The following GCN1 variants were observed in gnomAD, a reference collection of about 807,000 sequenced individuals.
GCN1 encodes the protein stalled ribosome sensor GCN1.
In GCN1, 90 loss-of-function variants were observed where a neutral mutation model predicts 288.4. That is an observed-to-expected ratio of 0.31 (90% CI 0.26 to 0.37). GCN1 has a LOEUF of 0.37. GCN1 is among the 10% of genes least tolerant of loss of function. The pLI is 1.00. For synonymous variants in GCN1, 1,386 were observed against 1,420.2 expected (o/e 0.98, Z 0.54); for missense variants, 2,586 against 3,419.9 (o/e 0.76, Z 6.08).
chr12:120,184,943 G>T, intron 2 of GCN1, 56 bp from the exon 3 acceptor site: 1 of 1,171,426 alleles, frequency 8.5e-7, no homozygotes, highest in Non-Finnish European at 1.3e-6. Context: ...GTAAGCCGCT[G>T]GAGTCAGGTA....
At position 120,147,639 on chromosome 12, in the gene GCN1, A is replaced by G. The variant is rs569701281; in HGVS notation, c.4727-367T>C. Among the ~76,000 whole-genome samples the G allele has an allele frequency of 2.6e-5, 4 of 152,326 alleles. No individual in the cohort carries two copies. In the South Asian group the frequency reaches 8.3e-4, roughly 32 times the overall value. ...ATAATGTATTTGTTAACTTTTCCCT[A>G]TAGCTTTATAAATTTTGTTTTATGT... On this transcript the variant is annotated intron_variant, in intron 37 of 57. Transcript: ENST00000300648.
At chr12:120,189,893 C>T (rs995574329) in intron 2 of GCN1, among the ~76,000 whole-genome samples, 17 of 152,164 alleles carry the variant, frequency 1.1e-4, no homozygotes, top group Middle Eastern at 3.4e-3. Context: ...GCATGAGAAT[C>T]GCCTGAACCC....
At position 120,138,757 on chromosome 12, in the gene GCN1, G is replaced by C. The variant is rs1877092611; in HGVS notation, c.6094C>G (p.Leu2032Val). The C allele has an allele frequency of 1.2e-6, 2 of 1,614,124 alleles. No homozygotes were observed. The highest frequency in any genetic ancestry group is 2.7e-5 in the African/African-American group (2 of 74,956). Residue 2032 changes from leucine to valine, a missense_variant, in exon 46 of 58, where the codon CTG (leucine) becomes GTG (valine). By Grantham distance (32) the Leu-to-Val change is conservative. This residue lies in a region of GCN1 where 437 missense variants were observed against 570.5 expected (regional missense o/e 0.77). Transcript: ENST00000300648. ...GCCTGGTGGCCGATGGTGGAATGCA[G>C]CTGCTCGAAAGTCTTGGCTGCCGCC... ...REAAAKTFEQLHSTIGHQALE... is the reference protein window; with the variant it reads ...REAAAKTFEQVHSTIGHQALE...
In GCN1 at chr12:120,145,336, A is replaced by G. The variant is rs376901358; in HGVS notation, c.4948-6T>C. The G allele has an allele frequency of 1.9e-6, 3 of 1,573,910 alleles. No individual in the cohort carries two copies. The highest frequency in any genetic ancestry group is 1.4e-5 in the African/African-American group (1 of 73,336). Reference sequence around the variant, plus strand: ...GGCAGGTACGGAGCCAAGTCCTGCAACAACACAGGAGGCGGCTCAGGTGAG... The same window carrying G: ...GGCAGGTACGGAGCCAAGTCCTGCAGCAACACAGGAGGCGGCTCAGGTGAG... On this transcript the variant is annotated splice_region_variant and splice_polypyrimidine_tract_variant and intron_variant, in intron 38 of 57. Transcript: ENST00000300648.
At chr12:120,151,045 G>T in intron 34 of GCN1, 100 bp downstream of exon 34, 1 of 1,325,756 alleles carries the variant, frequency 7.5e-7, no homozygotes, top group Non-Finnish European at 1.1e-6. Flanking sequence ...ACACGCACAA[G>T]CAACGGCCTC....
In GCN1 at chr12:120,170,329, G is replaced by T; in HGVS notation, c.1367-8C>A. 6.2e-7 allele frequency: 1 copy of T among 1,613,608 alleles called. No individual in the cohort carries two copies. Among genetic ancestry groups the T allele is most frequent in the South Asian group, 1.1e-5 (1 of 91,066 alleles). ...CCTGCAACAGCGTGTCACCTGTGGA[G>T]AGAGGACAAGCACCTTAAAGGACAT... On this transcript the variant is annotated splice_region_variant and splice_polypyrimidine_tract_variant and intron_variant, in intron 14 of 57. Coordinates refer to ENST00000300648, the MANE Select transcript of GCN1 (RefSeq NM_006836.2).
chr12:120,190,224 C>CAAAA (rs34357352), intron 2 of GCN1, 74 bp downstream of exon 2: 68 of 574,268 alleles, frequency 1.2e-4, no homozygotes, highest in Admixed American at 1.7e-4. Context: ...GACTCTGTCT[C>CAAAA]AAAAAAAAAA....
In GCN1 at chr12:120,136,603, C is replaced by T. The variant is rs777529738; in HGVS notation, c.6907G>A (p.Val2303Met). 6.8e-6 allele frequency: 11 copies of T among 1,614,204 alleles called. No homozygotes were observed. Among genetic ancestry groups the T allele is most frequent in the South Asian group, 5.5e-5 (5 of 91,088 alleles). The stretch of plus-strand genomic sequence containing the variant: ...ATCAGAGGGCCAGTGATGCTGACCA[C>T]GGAGGGCCTCAGGGCGTCAGCCGAG... ...LTSADALRPS[V>M]VSITGPLIRI... is the part of the protein sequence containing the mutation. The change falls in exon 51 of 58, where the codon GTG (valine) becomes ATG (methionine). Residue 2303 changes from valine (V) to methionine (M), a missense_variant. Val to Met is a conservative substitution (Grantham distance 21). This residue lies in a region of GCN1 where 437 missense variants were observed against 570.5 expected (regional missense o/e 0.77). Coordinates refer to ENST00000300648, the MANE Select transcript of GCN1 (RefSeq NM_006836.2).
At chr12:120,145,116 T>C (rs908005372) in intron 39 of GCN1, 55 bp from the exon 40 acceptor site, 3 of 1,608,106 alleles carry the variant, frequency 1.9e-6, no homozygotes, top group Admixed American at 3.3e-5. Flanking sequence ...CAAAACAAGG[T>C]AGCCACATGG....
chr12:120,157,783 G>T, intron 26 of GCN1, 66 bp downstream of exon 26: 1 of 1,271,656 alleles, frequency 7.9e-7, no homozygotes, highest in East Asian at 2.3e-5. Context: ...GAGACAAAAC[G>T]TGTCCACAGG....
At chr12:120,171,398 C>T (rs962601301) in intron 14 of GCN1, among the ~76,000 whole-genome samples, 1 of 152,048 alleles carries the variant, frequency 6.6e-6, no homozygotes, top group Non-Finnish European at 1.5e-5. Flanking sequence ...ACCCAGGAGG[C>T]GGAGGTTTCA....
rs1294654916 is a variant in GCN1 at position 120,184,114 on chromosome 12, G to A, written c.315C>T (p.Pro105=). 6.2e-7 allele frequency: 1 copy of A among 1,611,884 alleles called. No homozygotes were observed. Among genetic ancestry groups the A allele is most frequent in the East Asian group, 2.2e-5 (1 of 44,826 alleles). Residue 105 remains proline, a splice_region_variant and synonymous_variant, in exon 4 of 58, where the codon CCC becomes CCT. Transcript: ENST00000300648. ...GGGCCACAACTTTTACCTCTTACCTGGGAACACCTGCTTTGGAGCCTATAC... is the reference window on the plus strand; with the variant it reads ...GGGCCACAACTTTTACCTCTTACCTAGGAACACCTGCTTTGGAGCCTATAC... ...SSGIGSKAGV[P]SKSSGSAALL... is the part of the protein sequence containing the mutation.
chr12:120,153,114 C>A lies in GCN1; in HGVS notation c.4062+99G>T, dbSNP rs774971923. ...TTAACAAGAACTGGGCTTTCAGGGC[C>A]CTGATTGTCCAACTCCACCCCTAGT... On this transcript the variant is annotated intron_variant, in intron 33 of 57. Transcript: ENST00000300648. The surrounding 1 kb of genome is among the most constrained non-coding windows in gnomAD (Gnocchi z 4.4). 1.9e-5 allele frequency: 18 copies of A among 971,542 alleles called. No individual in the cohort carries two copies. Among genetic ancestry groups the A allele is most frequent in the Non-Finnish European group, 2.6e-5 (17 of 644,772 alleles). The allele number at this position is 971,542 out of a possible 1,614,324, so 60.2% of individuals were successfully genotyped here. A position where few individuals can be genotyped will look rare whatever the true frequency, so the allele number is the denominator to read the frequency against.
intron 22 of GCN1, 152 bp downstream of exon 22, chr12:120,161,338 C>A: frequency 1.6e-6 from 1 of 623,352 alleles, no homozygotes. Flanking sequence ...GAAAGTGTGC[C>A]AGTGCACCAG....
At chr12:120,183,028 G>GCTCA (rs1878715413) in intron 5 of GCN1, among the ~76,000 whole-genome samples, 1 of 151,418 alleles carries the variant, frequency 6.6e-6, no homozygotes, top group Non-Finnish European at 1.5e-5. Flanking sequence ...TGTCTGCTCT[G>GCTCA]CTCACCTCCC....
At position 120,187,177 on chromosome 12, in the gene GCN1, C is replaced by T. The variant is rs1878847097; in HGVS notation, c.122-2290G>A. On this transcript the variant is annotated intron_variant, in intron 2 of 57. Coordinates refer to ENST00000300648, the MANE Select transcript of GCN1 (RefSeq NM_006836.2). ...GGTAGAAATAGGAAGTAAAAGTGGACAGAAAGGGAGACCCAATCTATATGG... is the reference window on the plus strand; with the variant it reads ...GGTAGAAATAGGAAGTAAAAGTGGATAGAAAGGGAGACCCAATCTATATGG... Among the ~76,000 whole-genome samples, 4 of 150,336 alleles carry T rather than the reference C, an allele frequency of 2.7e-5. 1 individual carries two copies. The South Asian group carries it at 8.4e-4, about 31-fold the overall frequency.
chr12:120,179,310 A>G (rs1459116038), intron 5 of GCN1, among the ~76,000 whole-genome samples: 2 of 151,384 alleles, frequency 1.3e-5, no homozygotes, highest in Non-Finnish European at 2.9e-5. Flanking sequence ...GGCTCACTGC[A>G]ACCTCCACCT....
intron 9 of GCN1, 34 bp downstream of exon 9, chr12:120,177,413 C>A: frequency 9.3e-7 from 1 of 1,076,006 alleles, no homozygotes; most frequent in East Asian, 2.4e-5. Flanking sequence ...GGCAACTCAT[C>A]TCCCTCCCAC....
Position 120,161,547 on chromosome 12 carries a change from C to A in GCN1, c.2379G>T (p.Lys793Asn). The A allele has an allele frequency of 6.2e-7, 1 of 1,614,026 alleles. No homozygotes were observed. Among genetic ancestry groups the A allele is most frequent in the Non-Finnish European group, 8.5e-7 (1 of 1,179,890 alleles). The change falls in exon 22 of 58, where the codon AAG (lysine) becomes AAT (asparagine). Residue 793 changes from lysine to asparagine, a missense_variant. Physicochemically the swap from Lys to Asn is moderately conservative, Grantham distance 94 (BLOSUM62 0). Around this residue, in one of 8 missense-constraint regions of GCN1, gnomAD observed 913 missense variants for 1,107.0 expected, o/e 0.82. Transcript: ENST00000300648. ...TGAAGGAATAAGCTTTGTTCTCTCGCTTCATGTTGGCCTTTTTTATGCTGT... is the reference window on the plus strand; with the variant it reads ...TGAAGGAATAAGCTTTGTTCTCTCGATTCATGTTGGCCTTTTTTATGCTGT... Reference protein sequence around the residue: ...QQDSIKKANMKRENKAYSFKE... With the variant: ...QQDSIKKANMNRENKAYSFKE...
Sources: gnomAD v4.1 joint callset for allele counts (sites outside exome capture counted in the v4.1 genomes callset) on GRCh38, gnomAD v4.1.1 for gene constraint, gnomAD v4.1.1 regional missense constraint, Gnocchi (gnomAD v3.1) non-coding constraint, MANE v1.5 for transcripts, NCBI Gene and HGNC (gene_info 2026-07-23, HGNC 2026-07-21) for gene names.